Variants in TBC1D31 observed in about 807,000 individuals in gnomAD.
The protein encoded by TBC1D31 is WD repeat domain 67.
A neutral mutation model predicts 132.9 loss-of-function variants in TBC1D31; 99 were observed. The ratio of observed to expected loss-of-function variants is 0.74; its 90% CI spans 0.63 to 0.88. TBC1D31 has a LOEUF of 0.88. Ranked by LOEUF, TBC1D31 falls within the 40% of genes least tolerant of loss-of-function variation. The probability of loss-of-function intolerance (pLI) is 0.00; values close to 1 mark genes in which losing one functional copy is unlikely to be tolerated. For missense variants in TBC1D31, 1,134 were observed against 1,256.6 expected, an observed-to-expected ratio of 0.90 and a Z score of 1.48; for synonymous variants, 385 against 419.4, an observed-to-expected ratio of 0.92 and a Z score of 1.00.
At chr8:123,077,278 T>A (rs1392359887) in intron 2 of TBC1D31, 21 bp downstream of exon 2, 1 of 1,576,842 alleles carries the variant, frequency 6.3e-7, no homozygotes, top group Non-Finnish European at 8.6e-7. Flanking sequence ...ACCATTGATA[T>A]CTACGTTCTT....
At chr8:123,164,318 G>T in the TBC1D31 span, among the ~76,000 whole-genome samples, 1 of 152,156 alleles carries the variant, frequency 6.6e-6, no homozygotes, top group African/African-American at 2.4e-5. Flanking sequence ...AACTCCCTTG[G>T]CCCAAGCAAG....
chr8:123,094,911 T>G (rs1816708467), intron 5 of TBC1D31, among the ~76,000 whole-genome samples: 1 of 152,250 alleles, frequency 6.6e-6, no homozygotes, highest in Non-Finnish European at 1.5e-5. Flanking sequence ...TGTTCAAACA[T>G]CCTTGATTGG....
chr8:123,145,364 G>A (rs1822096804), intron 20 of TBC1D31, among the ~76,000 whole-genome samples: 1 of 152,134 alleles, frequency 6.6e-6, no homozygotes, highest in Admixed American at 6.6e-5. Flanking sequence ...CCCAGTCGAG[G>A]AAAAAGTTTG....
At chr8:123,118,459 T>A (rs1819163242) in intron 10 of TBC1D31, among the ~76,000 whole-genome samples, 1 of 152,180 alleles carries the variant, frequency 6.6e-6, no homozygotes, top group Non-Finnish European at 1.5e-5. Context: ...GTGGGAGAAT[T>A]ATAATCCCAG....
At chr8:123,138,344 T>C (rs527822610) in intron 17 of TBC1D31, among the ~76,000 whole-genome samples, 163 of 152,158 alleles carry the variant, frequency 1.1e-3, no homozygotes, top group African/African-American at 3.6e-3. Flanking sequence ...TTCACATATA[T>C]ATCTTTTTGC....
chr8:123,158,421 C>G, the TBC1D31 span, among the ~76,000 whole-genome samples: 5 of 152,170 alleles, frequency 3.3e-5, no homozygotes, highest in South Asian at 1.0e-3. Context: ...CAAGGCCAGG[C>G]GTGGGGACCC....
chr8:123,107,582 A>G (rs924677826), intron 8 of TBC1D31, among the ~76,000 whole-genome samples: 1 of 152,222 alleles, frequency 6.6e-6, no homozygotes, highest in Admixed American at 6.5e-5. Flanking sequence ...GATAAGCTGA[A>G]TGGTATCTCT....
chr8:123,142,052 G>A (rs531277676), intron 18 of TBC1D31, among the ~76,000 whole-genome samples: 2 of 152,012 alleles, frequency 1.3e-5, no homozygotes, highest in South Asian at 4.2e-4. Context: ...GCTTTTTAAA[G>A]GTGCTGGTAC....
intron 10 of TBC1D31, among the ~76,000 whole-genome samples, chr8:123,111,091 GTT>G (rs143158206): frequency 1.6e-3 from 241 of 149,734 alleles, no homozygotes; most frequent in African/African-American, 5.3e-3. Flanking sequence ...CTGAGTCAAG[GTT>G]TTTTTTTTCC....
chr8:123,152,565 A>G (rs993657512), downstream of TBC1D31, among the ~76,000 whole-genome samples: 1 of 152,168 alleles, frequency 6.6e-6, no homozygotes, highest in African/African-American at 2.4e-5. Flanking sequence ...AATACTTGAT[A>G]TGACGATTCA....
At chr8:123,155,087 G>T (rs1330201427), downstream of TBC1D31, among the ~76,000 whole-genome samples, 1 of 152,182 alleles carries the variant, frequency 6.6e-6, no homozygotes, top group Non-Finnish European at 1.5e-5. This position sits in a 1 kb window ranked among gnomAD's most constrained non-coding sequence, Gnocchi z 4.1. Flanking sequence ...TGGACTCAAT[G>T]TTGGCCTCTA....
At chr8:123,124,645 G>T (rs78432641) in intron 11 of TBC1D31, among the ~76,000 whole-genome samples, 255 of 152,058 alleles carry the variant, frequency 1.7e-3, no homozygotes, top group Non-Finnish European at 3.3e-3. Context: ...ATTAAGAGCT[G>T]GGCTGGGCGC....
intron 10 of TBC1D31, among the ~76,000 whole-genome samples, chr8:123,112,663 C>T (rs1338340158): frequency 6.6e-6 from 1 of 152,204 alleles, no homozygotes; most frequent in Non-Finnish European, 1.5e-5. Context: ...CTGTCACAAG[C>T]ATGCTGCATT....
Position 123,077,190 on chromosome 8 carries a change from A to G in TBC1D31, c.157A>G (p.Thr53Ala), listed in dbSNP as rs776998335. The change falls in exon 2 of 22, where the codon ACA becomes GCA. Residue 53 changes from threonine (T) to alanine (A), a missense_variant. Coordinates refer to ENST00000287380, the MANE Select transcript of TBC1D31 (RefSeq NM_145647.4). Reference sequence around the variant, plus strand: ...ATTTTTGAATGTGGCTTTTGATGGCACAGGCGACTGCTTAATTGCTGGGGA... The same window carrying G: ...ATTTTTGAATGTGGCTTTTGATGGCGCAGGCGACTGCTTAATTGCTGGGGA... ...LRFLNVAFDGTGDCLIAGDHQ... is the reference protein window; with the variant it reads ...LRFLNVAFDGAGDCLIAGDHQ... The G allele has an allele frequency of 1.2e-6, 2 of 1,613,512 alleles. No individual in the cohort carries two copies. The highest frequency in any genetic ancestry group is 1.7e-6 in the Non-Finnish European group (2 of 1,179,814).
intron 2 of TBC1D31, among the ~76,000 whole-genome samples, chr8:123,078,032 C>T (rs987874873): frequency 3.3e-5 from 5 of 151,668 alleles, no homozygotes; most frequent in South Asian, 4.2e-4. Flanking sequence ...CTAGCCTGGG[C>T]GACAAAGCAA....
At chr8:123,155,988 T>A (rs1177300602), downstream of TBC1D31, among the ~76,000 whole-genome samples, 2 of 152,200 alleles carry the variant, frequency 1.3e-5, no homozygotes, top group South Asian at 4.1e-4. This position sits in a 1 kb window ranked among gnomAD's most constrained non-coding sequence, Gnocchi z 4.1. Flanking sequence ...AGTACCTGAA[T>A]ATATCATTGA....
intron 7 of TBC1D31, chr8:123,102,514 T>C: frequency 3.5e-6 from 1 of 286,618 alleles, no homozygotes; most frequent in Non-Finnish European, 6.8e-6. Flanking sequence ...TCTCAGAAGA[T>C]TCTGATTTAT....
At position 123,072,905 on chromosome 8, in the gene TBC1D31, G is replaced by C. The variant is rs551681788; in HGVS notation, c.77+59G>C. 33 of 1,490,586 alleles carry C rather than the reference G, an allele frequency of 2.2e-5. No individual in the cohort carries two copies. The African/African-American group carries it at 4.3e-4, about 19-fold the overall frequency. 92.3% of individuals were successfully genotyped at this position (1,490,586 alleles called of 1,614,324 possible). ...AGGGGATGGAGACCGGCGAGGAGGGGACGCCGGGCGTCAGGCAGCGTTCCG... is the reference window on the plus strand; with the variant it reads ...AGGGGATGGAGACCGGCGAGGAGGGCACGCCGGGCGTCAGGCAGCGTTCCG... On this transcript the variant is annotated intron_variant, in intron 1 of 21. Transcript: ENST00000287380.
intron 12 of TBC1D31, 104 bp downstream of exon 12, chr8:123,126,293 T>C: frequency 7.3e-7 from 1 of 1,375,688 alleles, no homozygotes; most frequent in Non-Finnish European, 9.8e-7. Flanking sequence ...AAAAGCATAC[T>C]ACATGTTGTA....
Sources: allele counts gnomAD v4.1 joint callset (sites outside exome capture counted in the v4.1 genomes callset), GRCh38; gene constraint gnomAD v4.1.1; non-coding constraint Gnocchi (gnomAD v3.1); transcripts MANE v1.5; gene names NCBI Gene and HGNC (gene_info 2026-07-23, HGNC 2026-07-21).